The following ARMCX4 variants were observed in gnomAD, a reference collection of about 807,000 sequenced individuals.
The protein encoded by ARMCX4 is armadillo repeat-containing X-linked protein 4.
In ARMCX4, 3 loss-of-function variants were observed where a neutral mutation model predicts 34.7. That is an observed-to-expected ratio of 0.09 (90% CI 0.04 to 0.22). The LOEUF is 0.22. Among genes scored for constraint, ARMCX4 ranks in the 10% least tolerant of loss-of-function variants. The probability of loss-of-function intolerance (pLI) is 1.00; values close to 1 mark genes in which losing one functional copy is unlikely to be tolerated. For missense variants in ARMCX4, 1,448 were observed against 1,720.8 expected, an observed-to-expected ratio of 0.84 and a Z score of 2.81; for synonymous variants, 513 against 632.8, an observed-to-expected ratio of 0.81 and a Z score of 2.84.
chrX:101,480,157 C>CACACACACACACACAG (rs1933382429), intron 4 of ARMCX4, among the ~76,000 whole-genome samples: 1 of 104,612 alleles, frequency 9.6e-6, no homozygotes, highest in South Asian at 4.4e-4. Context: ...CACACACACA[C>CACACACACACACACAG]ACACACACAC....
intron 2 of ARMCX4, among the ~76,000 whole-genome samples, chrX:101,431,406 T>C (rs1929986980): frequency 8.9e-6 from 1 of 112,612 alleles, no homozygotes; most frequent in Non-Finnish European, 1.9e-5. Context: ...CAATACGTTT[T>C]CTGCATTCCA....
upstream of ARMCX4, among the ~76,000 whole-genome samples, chrX:101,484,237 A>G (rs1933592415): frequency 9.0e-6 from 1 of 110,935 alleles, no homozygotes; most frequent in East Asian, 2.8e-4. Context: ...AATATTGAAC[A>G]CTCGCCACTG....
chrX:101,432,858 A>C (rs1930207048), intron 2 of ARMCX4, among the ~76,000 whole-genome samples: 1 of 96,187 alleles, frequency 1.0e-5, no homozygotes, highest in Non-Finnish European at 2.1e-5. Context: ...GTGTATATAT[A>C]CACGTATATA....
intron 4 of ARMCX4, among the ~76,000 whole-genome samples, chrX:101,462,731 T>A (rs1932679352): frequency 9.0e-6 from 1 of 110,726 alleles, no homozygotes; most frequent in Non-Finnish European, 1.9e-5. Flanking sequence ...TTTGGAAATA[T>A]GTGTACAGTA....
At chrX:101,476,918 A>AT (rs1340578519) in intron 4 of ARMCX4, among the ~76,000 whole-genome samples, 1 of 111,433 alleles carries the variant, frequency 9.0e-6, no homozygotes, top group Admixed American at 9.6e-5. Flanking sequence ...ATTTGAGAAA[A>AT]TTTTTTTGGC....
intron 2 of ARMCX4, among the ~76,000 whole-genome samples, chrX:101,435,323 C>T (rs1266575650): frequency 1.8e-5 from 2 of 111,439 alleles, no homozygotes; most frequent in East Asian, 2.8e-4. Flanking sequence ...TTTTAATGAT[C>T]ACCATTCTAA....
rs141670066 is a variant in ARMCX4, at chrX:101,420,126, G to A, written n.164+1126G>A. ...GCCTGTAATCCCAGCACTCTGGGAG[G>A]CCGAGGCGGGTGGATCAGGTCAGGA... On this transcript the variant is annotated intron_variant and non_coding_transcript_variant, in intron 2 of 3. Transcript: ENST00000430461. Among the ~76,000 whole-genome samples the A allele has an allele frequency of 4.8e-3, 538 of 112,032 alleles. 2 individuals are homozygous for A. Among genetic ancestry groups the A allele is most frequent in the African/African-American group, 0.016 (505 of 30,879 alleles).
chrX:101,470,618 C>A (rs1342319884), intron 4 of ARMCX4, among the ~76,000 whole-genome samples: 2 of 112,045 alleles, frequency 1.8e-5, no homozygotes, highest in Non-Finnish European at 1.9e-5. Context: ...CGTGCTGGGC[C>A]AGCGTACTGT....
chrX:101,496,713 G>A (rs1198638203), downstream of ARMCX4, among the ~76,000 whole-genome samples: 2 of 111,354 alleles, frequency 1.8e-5, no homozygotes, highest in Non-Finnish European at 3.8e-5. Flanking sequence ...GAGTGTTGTT[G>A]GGATACACAT....
chrX:101,509,327 CCT>C (rs1934525383), intron 8 of ARMCX4: 1 of 111,381 alleles, frequency 9.0e-6, no homozygotes, highest in Non-Finnish European at 1.9e-5. Context: ...CTCACATCTC[CCT>C]CTTTCTTGGT....
intron 2 of ARMCX4, among the ~76,000 whole-genome samples, chrX:101,434,906 C>T (rs186255657): frequency 5.5e-5 from 6 of 108,398 alleles, no homozygotes; most frequent in Admixed American, 2.0e-4. Context: ...TTTGTCCTTG[C>T]GATAGTTTGC....
chrX:101,481,092 C>G (rs1556005339), upstream of ARMCX4, among the ~76,000 whole-genome samples: 1 of 111,787 alleles, frequency 8.9e-6, no homozygotes, highest in Admixed American at 9.5e-5. Context: ...TCACTGCACT[C>G]CAGCCTGGGC....
chrX:101,491,680 C>G lies in ARMCX4; in HGVS notation c.3091C>G (p.Gln1031Glu), dbSNP rs948503614. Residue 1031 changes from glutamine (Q) to glutamate (E), a missense_variant, in exon 6 of 6, where the codon CAG becomes GAG. By Grantham distance (29) the Gln-to-Glu change is conservative. Coordinates refer to ENST00000423738, the MANE Select transcript of ARMCX4 (RefSeq NM_001256155.3). ...AGGCACAAGGCACTCTGCCCAGCCTCAGATTGTGGCCGGTTCCCAGGGTGA... is the reference window on the plus strand; with the variant it reads ...AGGCACAAGGCACTCTGCCCAGCCTGAGATTGTGGCCGGTTCCCAGGGTGA... ...GAGTRHSAQP[Q>E]IVAGSQGETL... 3 of 1,156,655 alleles carry G rather than the reference C, an allele frequency of 2.6e-6. No homozygotes were observed. The highest frequency in any genetic ancestry group is 3.4e-6 in the Non-Finnish European group (3 of 873,080).
intron 11 of ARMCX4, among the ~76,000 whole-genome samples, chrX:101,518,311 G>T (rs782752840): frequency 8.9e-6 from 1 of 111,899 alleles, no homozygotes; most frequent in East Asian, 2.8e-4. Context: ...TTTGGAAGCA[G>T]AGTTAGGATA....
chrX:101,477,772 C>T (rs1330054837), intron 4 of ARMCX4, among the ~76,000 whole-genome samples: 1 of 111,120 alleles, frequency 9.0e-6, no homozygotes, highest in Non-Finnish European at 1.9e-5. Flanking sequence ...AAATTGAAAT[C>T]CAGCAGTTTA....
downstream of ARMCX4, chrX:101,498,480 A>G (rs1382173228): frequency 7.5e-6 from 1 of 133,940 alleles, no homozygotes; most frequent in African/African-American, 3.2e-5. Flanking sequence ...GATATATTAA[A>G]TATAAGGAAG....
rs954506424 is a variant in ARMCX4 at position 101,489,282 on chromosome X, G to A, written c.693G>A (p.Val231=). ...GGGCCACGAACAAGACTGGAATTGT[G>A]GATGAAACCAAGACAAGAGCTCTGG... ...KMGATNKTGI[V]DETKTRALEE... The change falls in exon 6 of 6, where the codon GTG becomes GTA. Residue 231 remains valine (V), a synonymous_variant. Transcript: ENST00000423738. 3.5e-6 allele frequency: 4 copies of A among 1,156,137 alleles called. No individual in the cohort carries two copies. The highest frequency in any genetic ancestry group is 3.4e-6 in the Non-Finnish European group (3 of 872,976).
At chrX:101,433,102 ACG>A (rs61481444) in intron 2 of ARMCX4, among the ~76,000 whole-genome samples, 3 of 108,624 alleles carry the variant, frequency 2.8e-5, no homozygotes, top group Admixed American at 2.0e-4. Context: ...GTGTATACAT[ACG>A]CACGTATACA....
chrX:101,496,384 C>G (rs1934178588), downstream of ARMCX4, among the ~76,000 whole-genome samples: 1 of 110,458 alleles, frequency 9.1e-6, no homozygotes, highest in African/African-American at 3.3e-5. Flanking sequence ...CCACAAGTTA[C>G]TCCAGGCATG....
Sources: gnomAD v4.1 joint callset for allele counts (sites outside exome capture counted in the v4.1 genomes callset) on GRCh38, gnomAD v4.1.1 for gene constraint, MANE v1.5 for transcripts, NCBI Gene and HGNC (gene_info 2026-07-23, HGNC 2026-07-21) for gene names.